The following AOPEP variants were observed in gnomAD, a reference collection of about 807,000 sequenced individuals.
AOPEP encodes the protein aminopeptidase O (putative), also known as aminopeptidase O.
In AOPEP, 77 loss-of-function variants were observed where a neutral mutation model predicts 98.1. The observed-to-expected ratio is 0.78, with a 90% CI of 0.65 to 0.95. The LOEUF (loss-of-function observed/expected upper bound fraction) is 0.95. Ranked by LOEUF, AOPEP falls within the 40% of genes least tolerant of loss-of-function variation. The pLI is 0.00. For synonymous variants in AOPEP, 346 were observed against 365.3 expected (o/e 0.95, Z 0.60); for missense variants, 1,024 against 1,024.7 (o/e 1.00, Z 0.01).
rs79042267 is a variant in AOPEP, at chr9:94,977,932, T to C, written c.1917-1435T>C. ...TCCATGAACTTTTTCTGTTTTGAAA[T>C]AGCAATTGCCTTTTTAAGCAGCCTT... On this transcript the variant is annotated intron_variant, in intron 10 of 16. Transcript: ENST00000375315. Among the ~76,000 whole-genome samples the C allele has an allele frequency of 7.4e-3, 1,123 of 152,332 alleles. 14 individuals are homozygous for C. The highest frequency in any genetic ancestry group is 0.026 in the African/African-American group (1,084 of 41,586).
intron 1 of AOPEP, among the ~76,000 whole-genome samples, chr9:94,744,903 C>G (rs778793927): frequency 6.6e-6 from 1 of 151,180 alleles, no homozygotes; most frequent in African/African-American, 2.4e-5. Flanking sequence ...CTGTTGACTT[C>G]TCATTTTCAT....
intron 5 of AOPEP, among the ~76,000 whole-genome samples, chr9:94,805,294 C>T (rs1198249043): frequency 6.6e-6 from 1 of 151,982 alleles, no homozygotes; most frequent in Non-Finnish European, 1.5e-5. Context: ...TATCAGAACA[C>T]CTGGCACCCA....
At position 95,086,692 on chromosome 9, in the gene AOPEP, A is replaced by G. The variant is rs2070746449; in HGVS notation, c.*15A>G. On this transcript the variant is annotated 3_prime_UTR_variant, in exon 17 of 17. Coordinates refer to ENST00000375315, the MANE Select transcript of AOPEP (RefSeq NM_001193329.3). ...CTGTTTCCTTTGCAGGAAAGACCAC[A>G]GCAAGATTCTTTCATTCGTCTCCTC... 2.0e-6 allele frequency: 2 copies of G among 988,132 alleles called. No individual in the cohort carries two copies. The highest frequency in any genetic ancestry group is 1.7e-5 in the African/African-American group (1 of 57,312). The allele number at this position is 988,132 out of a possible 1,614,324, so 61.2% of individuals were successfully genotyped here.
intron 5 of AOPEP, among the ~76,000 whole-genome samples, chr9:94,828,139 G>A (rs1255506162): frequency 6.6e-6 from 1 of 152,184 alleles, no homozygotes; most frequent in Admixed American, 6.6e-5. Context: ...TGCGATAGAT[G>A]TTTATTTCTC....
At chr9:95,028,877 GTAT>G (rs2064060875) in intron 13 of AOPEP, among the ~76,000 whole-genome samples, 1 of 152,172 alleles carries the variant, frequency 6.6e-6, no homozygotes, top group Non-Finnish European at 1.5e-5. Context: ...GCCCAATTGT[GTAT>G]ATTATTTGTG....
chr9:95,060,870 G>T (rs1161326735), intron 14 of AOPEP, 60 bp downstream of exon 14: 1 of 1,068,208 alleles, frequency 9.4e-7, no homozygotes, highest in Non-Finnish European at 1.5e-6. Flanking sequence ...GAAGAATGGT[G>T]ATCCCATTGC....
rs540714595 is a variant in AOPEP at position 94,818,217 on chromosome 9, C to T, written c.1364+17215C>T. Among the ~76,000 whole-genome samples the T allele has an allele frequency of 5.3e-5, 8 of 152,254 alleles. No individual in the cohort carries two copies. The South Asian group carries it at 1.5e-3, about 28-fold the overall frequency. On this transcript the variant is annotated intron_variant, in intron 5 of 16. Transcript: ENST00000375315. ...TGTGGATAAGATTATGTGTAGATGC[C>T]GTTACATCTTAGGTCCTCAGCAGAT...
Position 94,759,835 on chromosome 9 carries a change from A to G in AOPEP, c.52A>G (p.Thr18Ala), listed in dbSNP as rs141638701. 2.1e-4 allele frequency: 340 copies of G among 1,614,010 alleles called. No homozygotes were observed. The highest frequency in any genetic ancestry group is 2.8e-4 in the Non-Finnish European group (333 of 1,180,024). The change falls in exon 2 of 17, where the codon ACC (threonine) becomes GCC (alanine). Residue 18 changes from threonine to alanine, a missense_variant. Physicochemically the swap from Thr to Ala is moderately conservative, Grantham distance 58. This residue lies in a region of AOPEP where 440 missense variants were observed against 433.8 expected (regional missense o/e 1.01). Transcript: ENST00000375315. ...AGATGACCTGCCTCTCATGGCCAACACCAGCCACATACTTGTGAAGCACTA... is the reference window on the plus strand; with the variant it reads ...AGATGACCTGCCTCTCATGGCCAACGCCAGCCACATACTTGTGAAGCACTA... ...ARDDLPLMANTSHILVKHYVL... is the reference protein window; with the variant it reads ...ARDDLPLMANASHILVKHYVL...
chr9:95,081,059 G>A (rs1450172221), intron 15 of AOPEP, among the ~76,000 whole-genome samples: 1 of 152,204 alleles, frequency 6.6e-6, no homozygotes, highest in Admixed American at 6.5e-5. Flanking sequence ...TCCAGCACCT[G>A]CTAGGCCATG....
intron 5 of AOPEP, among the ~76,000 whole-genome samples, chr9:94,875,832 C>G (rs1425326845): frequency 6.6e-6 from 1 of 152,212 alleles, no homozygotes; most frequent in Non-Finnish European, 1.5e-5. Flanking sequence ...CTCCTTTGTT[C>G]TGAGTATGGA....
In AOPEP at chr9:95,072,601, C is replaced by T. The variant is rs2134095769; in HGVS notation, c.2233-8093C>T. ...TGTGCCATGATCATGCCATTGCACTCCAGACTGAGCGACAGAGTGAGACTC... is the reference window on the plus strand; with the variant it reads ...TGTGCCATGATCATGCCATTGCACTTCAGACTGAGCGACAGAGTGAGACTC... On this transcript the variant is annotated intron_variant, in intron 14 of 16. Coordinates refer to ENST00000375315, the MANE Select transcript of AOPEP (RefSeq NM_001193329.3). Among the ~76,000 whole-genome samples the T allele has an allele frequency of 2.0e-5, 3 of 152,132 alleles. No individual in the cohort carries two copies. The South Asian group carries it at 6.2e-4, about 32-fold the overall frequency.
At chr9:95,148,918 G>A in the AOPEP span, among the ~76,000 whole-genome samples, 3 of 152,108 alleles carry the variant, frequency 2.0e-5, no homozygotes, top group Non-Finnish European at 2.9e-5. Flanking sequence ...GAATATTCCC[G>A]CCTTTCCCAA....
intron 5 of AOPEP, among the ~76,000 whole-genome samples, chr9:94,911,844 TTGTC>T (rs1182849977): frequency 6.6e-6 from 1 of 152,168 alleles, no homozygotes; most frequent in Non-Finnish European, 1.5e-5. Context: ...CCCAGGGTAT[TTGTC>T]TGTTTTTAAC....
chr9:94,845,325 G>A (rs1219538693), intron 5 of AOPEP, among the ~76,000 whole-genome samples: 1 of 152,228 alleles, frequency 6.6e-6, no homozygotes, highest in African/African-American at 2.4e-5. Flanking sequence ...GGCTGCTGGT[G>A]TTGAATGAAC....
Position 95,041,361 on chromosome 9 carries a change from A to T in AOPEP, c.2116-19333A>T, listed in dbSNP as rs181453341. Reference sequence around the variant, plus strand: ...AGGAAACTATTCAGAAATAAGATTTAAAAAAAAAAAATCATCCTTGTGGTA... The same window carrying T: ...AGGAAACTATTCAGAAATAAGATTTTAAAAAAAAAAATCATCCTTGTGGTA... On this transcript the variant is annotated intron_variant, in intron 13 of 16. Coordinates refer to ENST00000375315, the MANE Select transcript of AOPEP (RefSeq NM_001193329.3). Among the ~76,000 whole-genome samples the T allele has an allele frequency of 3.1e-3, 433 of 140,234 alleles. 6 individuals carry two copies. Among genetic ancestry groups the T allele is most frequent in the African/African-American group, 0.011 (399 of 35,786 alleles). 92.0% of individuals were successfully genotyped at this position (140,234 alleles called of 152,430 possible).
At chr9:94,937,702 T>A (rs2056472876) in intron 7 of AOPEP, among the ~76,000 whole-genome samples, 1 of 151,812 alleles carries the variant, frequency 6.6e-6, no homozygotes, top group Non-Finnish European at 1.5e-5. Flanking sequence ...CAGATTGCAT[T>A]GCCTTCCCAG....
chr9:94,806,618 T>C (rs1849317752), intron 5 of AOPEP, among the ~76,000 whole-genome samples: 1 of 152,214 alleles, frequency 6.6e-6, no homozygotes, highest in Non-Finnish European at 1.5e-5. Flanking sequence ...TCAATTATCC[T>C]TCTTGAGAAA....
At chr9:95,123,149 A>T in the AOPEP span, among the ~76,000 whole-genome samples, 4 of 152,018 alleles carry the variant, frequency 2.6e-5, no homozygotes, top group African/African-American at 7.2e-5. Context: ...AAAAAAATTT[A>T]AAAATTAGCT....
At chr9:94,731,133 C>G (rs751688247) in intron 1 of AOPEP, among the ~76,000 whole-genome samples, 1 of 152,120 alleles carries the variant, frequency 6.6e-6, no homozygotes, top group Admixed American at 6.5e-5. Flanking sequence ...TCACTCCGCC[C>G]GGTAAGTGCT....
Sources: allele counts gnomAD v4.1 joint callset (sites outside exome capture counted in the v4.1 genomes callset), GRCh38; gene constraint gnomAD v4.1.1; regional missense constraint gnomAD v4.1.1; transcripts MANE v1.5; gene names NCBI Gene and HGNC (gene_info 2026-07-23, HGNC 2026-07-21).